ZNF385D: variants seen among roughly 807,000 people sequenced by gnomAD.
ZNF385D encodes zinc finger protein 659.
ZNF385D carries 15 observed loss-of-function variants against 35.8 expected under a neutral mutation model. The observed-to-expected ratio is 0.42, with a 90% CI of 0.28 to 0.64. The LOEUF is 0.64. ZNF385D is among the 30% of genes least tolerant of loss of function. The pLI is 0.23. For synonymous variants in ZNF385D, 212 were observed against 186.8 expected (o/e 1.13, Z -1.10); for missense variants, 474 against 494.6 (o/e 0.96, Z 0.39).
At chr3:22,038,433 C>T (rs976310641) in intron 3 of ZNF385D, among the ~76,000 whole-genome samples, 2 of 152,072 alleles carry the variant, frequency 1.3e-5, no homozygotes, top group African/African-American at 4.8e-5. Flanking sequence ...ACCTGTTTCA[C>T]AGAGTTGGGG....
chr3:22,211,234 G>A (rs1697502465), intron 2 of ZNF385D, among the ~76,000 whole-genome samples: 1 of 151,854 alleles, frequency 6.6e-6, no homozygotes, highest in Admixed American at 6.6e-5. Flanking sequence ...GTACATACCA[G>A]ATACTTAATA....
intron 3 of ZNF385D, among the ~76,000 whole-genome samples, chr3:21,983,025 T>A (rs1208064011): frequency 6.6e-6 from 1 of 152,026 alleles, no homozygotes; most frequent in African/African-American, 2.4e-5. Flanking sequence ...CATTGATGTT[T>A]ATCAAGGATA....
chr3:21,555,710 A>G (rs2062710229), intron 3 of ZNF385D, among the ~76,000 whole-genome samples: 2 of 152,070 alleles, frequency 1.3e-5, no homozygotes, highest in South Asian at 4.1e-4. Flanking sequence ...ATGATTTATA[A>G]TCCTTGGGGT....
intron 4 of ZNF385D, 110 bp from the exon 5 acceptor site, chr3:21,437,313 A>T (rs1701605937): frequency 1.9e-6 from 2 of 1,039,730 alleles, no homozygotes; most frequent in South Asian, 3.6e-5. Context: ...AAGAGCAGCT[A>T]GCAATTGCTG....
At chr3:21,927,047 T>C (rs1314363443) in intron 3 of ZNF385D, among the ~76,000 whole-genome samples, 1 of 152,138 alleles carries the variant, frequency 6.6e-6, no homozygotes, top group Non-Finnish European at 1.5e-5. Flanking sequence ...CTTAGTGTCA[T>C]CTTTGCAGTA....
intron 2 of ZNF385D, among the ~76,000 whole-genome samples, chr3:21,613,026 AG>A (rs2064734318): frequency 6.6e-6 from 1 of 151,014 alleles, no homozygotes; most frequent in Non-Finnish European, 1.5e-5. Context: ...AGGGTACTAA[AG>A]AACACCCTCT....
intron 3 of ZNF385D, among the ~76,000 whole-genome samples, chr3:21,994,869 G>A (rs368953612): frequency 6.6e-6 from 1 of 152,196 alleles, no homozygotes; most frequent in African/African-American, 2.4e-5. Flanking sequence ...GGAAGTGGTG[G>A]TAAGGCTTGG....
intron 4 of ZNF385D, among the ~76,000 whole-genome samples, chr3:21,461,532 A>T (rs776780322): frequency 3.3e-5 from 5 of 152,156 alleles, no homozygotes; most frequent in African/African-American, 9.7e-5. Flanking sequence ...TGGGCAATGG[A>T]GCTAGACTCT....
intron 2 of ZNF385D, among the ~76,000 whole-genome samples, chr3:21,575,531 T>C (rs1284495548): frequency 6.6e-6 from 1 of 152,184 alleles, no homozygotes; most frequent in Non-Finnish European, 1.5e-5. Context: ...AAGCTCTCTT[T>C]TACCTTTAAG....
chr3:22,036,827 A>G lies in ZNF385D; in HGVS notation c.325+131990T>C, dbSNP rs571537674. Among the ~76,000 whole-genome samples the G allele has an allele frequency of 3.2e-3, 476 of 150,276 alleles. 4 individuals are homozygous for G. Among genetic ancestry groups the G allele is most frequent in the African/African-American group, 0.011 (437 of 40,800 alleles). ...GCTGTACCCATTAACTCGTCATTTA[A>G]CATTAGGTATATCTCCTAATGCTAT... On this transcript the variant is annotated intron_variant, in intron 3 of 5. Transcript: ENST00000494108.
intron 2 of ZNF385D, among the ~76,000 whole-genome samples, chr3:22,183,875 G>A (rs1186056783): frequency 1.4e-5 from 2 of 144,992 alleles, no homozygotes; most frequent in East Asian, 2.0e-4. Context: ...ATTTTTTTTT[G>A]CATTTTTTAT....
At chr3:21,762,925 T>A (rs1028960162) in intron 3 of ZNF385D, among the ~76,000 whole-genome samples, 1 of 152,142 alleles carries the variant, frequency 6.6e-6, no homozygotes, top group Non-Finnish European at 1.5e-5. Context: ...AACTTCCTCT[T>A]CTCCCTTCCA....
intron 2 of ZNF385D, among the ~76,000 whole-genome samples, chr3:21,633,247 A>T (rs2065332963): frequency 6.6e-6 from 1 of 152,084 alleles, no homozygotes; most frequent in South Asian, 2.1e-4. Flanking sequence ...TGAAGTCATG[A>T]TTATTCAATT....
intron 2 of ZNF385D, among the ~76,000 whole-genome samples, chr3:22,338,847 C>T (rs536436907): frequency 3.3e-5 from 5 of 151,656 alleles, no homozygotes; most frequent in South Asian, 2.1e-4. Flanking sequence ...ATTACAGGCA[C>T]GTGCCACCAC....
At chr3:21,518,562 C>T (rs1410321355) in intron 3 of ZNF385D, among the ~76,000 whole-genome samples, 1 of 152,140 alleles carries the variant, frequency 6.6e-6, no homozygotes, top group Non-Finnish European at 1.5e-5. Context: ...CTGTATCAAA[C>T]TCTTAAAACT....
chr3:22,262,351 A>G (rs1237657352), intron 2 of ZNF385D, among the ~76,000 whole-genome samples: 1 of 151,998 alleles, frequency 6.6e-6, no homozygotes, highest in East Asian at 1.9e-4. Context: ...AATGGGTAAG[A>G]AATAAAGACC....
intron 2 of ZNF385D, among the ~76,000 whole-genome samples, chr3:22,217,939 C>A (rs965187146): frequency 2.6e-5 from 4 of 152,092 alleles, no homozygotes; most frequent in Admixed American, 6.6e-5. Context: ...TTGGTCACTC[C>A]CTCTCTTTCA....
chr3:22,351,074 A>G (rs969242724), intron 2 of ZNF385D, among the ~76,000 whole-genome samples: 5 of 152,084 alleles, frequency 3.3e-5, no homozygotes, highest in African/African-American at 1.2e-4. Context: ...GACAATTCAC[A>G]TTGGTTCTTA....
At chr3:21,784,062 T>C (rs2071593815) in intron 3 of ZNF385D, among the ~76,000 whole-genome samples, 1 of 152,168 alleles carries the variant, frequency 6.6e-6, no homozygotes, top group Non-Finnish European at 1.5e-5. Context: ...GGCAGTCAGG[T>C]TCTCTCACAC....
Sources: allele counts gnomAD v4.1 joint callset (sites outside exome capture counted in the v4.1 genomes callset), GRCh38; gene constraint gnomAD v4.1.1; transcripts MANE v1.5; gene names NCBI Gene and HGNC (gene_info 2026-07-23, HGNC 2026-07-21).